SLC4A4: variants seen among roughly 807,000 people sequenced by gnomAD.
The protein encoded by SLC4A4 is electrogenic sodium bicarbonate cotransporter 1.
In SLC4A4, 27 loss-of-function variants were observed where a neutral mutation model predicts 111.5. The ratio of observed to expected loss-of-function variants is 0.24; its 90% CI spans 0.18 to 0.33. The LOEUF (loss-of-function observed/expected upper bound fraction) is 0.33. Ranked by LOEUF, SLC4A4 falls within the 10% of genes least tolerant of loss-of-function variation. The probability of loss-of-function intolerance (pLI) is 1.00; values close to 1 mark genes in which losing one functional copy is unlikely to be tolerated. For missense variants in SLC4A4, 909 were observed against 1,315.5 expected, an observed-to-expected ratio of 0.69 and a Z score of 4.78; for synonymous variants, 443 against 463.4, an observed-to-expected ratio of 0.96 and a Z score of 0.57.
At chr4:71,460,365 A>G (rs2149090310) in intron 12 of SLC4A4, among the ~76,000 whole-genome samples, 1 of 152,184 alleles carries the variant, frequency 6.6e-6, no homozygotes, top group South Asian at 2.1e-4. Flanking sequence ...ATACGTATTC[A>G]CAGCTCTTCA....
At chr4:71,527,780 G>A (rs945510862) in intron 16 of SLC4A4, among the ~76,000 whole-genome samples, 1 of 151,920 alleles carries the variant, frequency 6.6e-6, no homozygotes, top group African/African-American at 2.4e-5. Context: ...AAGTGGAGGT[G>A]TCAGGTAGTT....
chr4:71,516,388 C>T (rs751636901), intron 16 of SLC4A4, among the ~76,000 whole-genome samples: 5 of 152,076 alleles, frequency 3.3e-5, no homozygotes, highest in South Asian at 2.1e-4. Context: ...TGAGCCACCG[C>T]GCCCAGCCAA....
intron 3 of SLC4A4, among the ~76,000 whole-genome samples, chr4:71,297,357 G>A (rs1201440565): frequency 2.6e-5 from 4 of 152,260 alleles, no homozygotes; most frequent in Middle Eastern, 3.4e-3. Flanking sequence ...TGCAGCTGCC[G>A]TGTAGCATCA....
intron 3 of SLC4A4, among the ~76,000 whole-genome samples, chr4:71,270,191 G>A (rs1722602477): frequency 2.0e-5 from 3 of 152,086 alleles, no homozygotes; most frequent in South Asian, 2.1e-4. Context: ...GGGTTCAAGC[G>A]ATTCTCTTGC....
intron 2 of SLC4A4, among the ~76,000 whole-genome samples, chr4:71,178,916 G>A (rs1217209424): frequency 6.6e-6 from 1 of 152,124 alleles, no homozygotes; most frequent in East Asian, 1.9e-4. Flanking sequence ...GAGAATTTTA[G>A]ACCAATATCC....
chr4:71,155,744 A>G (rs1177785993), intron 2 of SLC4A4, among the ~76,000 whole-genome samples: 1 of 152,186 alleles, frequency 6.6e-6, no homozygotes, highest in African/African-American at 2.4e-5. Context: ...GATTACAAGC[A>G]TGAGCCACTG....
intron 6 of SLC4A4, among the ~76,000 whole-genome samples, chr4:71,373,243 A>G (rs1373523577): frequency 6.6e-6 from 1 of 152,232 alleles, no homozygotes; most frequent in Non-Finnish European, 1.5e-5. Flanking sequence ...ATCATTTGAG[A>G]GAAGCTATGG....
intron 1 of SLC4A4, among the ~76,000 whole-genome samples, chr4:71,084,786 T>G (rs1359118509): frequency 6.6e-6 from 1 of 152,108 alleles, no homozygotes; most frequent in Non-Finnish European, 1.5e-5. Context: ...TGCCACATTT[T>G]CTTAATCCAG....
At chr4:71,485,343 G>A (rs1055828657) in intron 14 of SLC4A4, among the ~76,000 whole-genome samples, 2 of 151,552 alleles carry the variant, frequency 1.3e-5, no homozygotes. Flanking sequence ...TTTTTAACAT[G>A]AATGGATGTT....
intron 16 of SLC4A4, among the ~76,000 whole-genome samples, chr4:71,511,560 T>G (rs1286860626): frequency 6.6e-6 from 1 of 152,124 alleles, no homozygotes; most frequent in Non-Finnish European, 1.5e-5. Flanking sequence ...TTGGTCTATT[T>G]TATTTTATTT....
chr4:71,315,150 C>T (rs1331484973), intron 3 of SLC4A4, among the ~76,000 whole-genome samples: 1 of 152,080 alleles, frequency 6.6e-6, no homozygotes, highest in Non-Finnish European at 1.5e-5. Context: ...ATTTGGCTGA[C>T]TTCTTTTAGG....
chr4:71,369,125 C>T (rs1016798401), intron 6 of SLC4A4, among the ~76,000 whole-genome samples: 3 of 151,762 alleles, frequency 2.0e-5, no homozygotes, highest in Non-Finnish European at 4.4e-5. Context: ...GCACTCCCAG[C>T]GTGGGATGGC....
At chr4:71,075,494 C>T (rs2148932000) in intron 1 of SLC4A4, among the ~76,000 whole-genome samples, 1 of 152,310 alleles carries the variant, frequency 6.6e-6, no homozygotes, top group East Asian at 1.9e-4. Context: ...CCTTCTTGCT[C>T]ACTTCACATC....
chr4:71,418,329 T>G (rs1434330461), intron 7 of SLC4A4, among the ~76,000 whole-genome samples: 1 of 152,246 alleles, frequency 6.6e-6, no homozygotes, highest in Non-Finnish European at 1.5e-5. Flanking sequence ...TTTGAAGTAG[T>G]GTTTTTTGGA....
At chr4:71,225,549 G>A (rs936346059) in intron 1 of SLC4A4, among the ~76,000 whole-genome samples, 2 of 152,160 alleles carry the variant, frequency 1.3e-5, no homozygotes, top group Non-Finnish European at 2.9e-5. Context: ...AAAATTTCAG[G>A]AGCCTCATCC....
chr4:71,472,888 T>C lies in SLC4A4; in HGVS notation c.1821T>C (p.Leu607=). 6.2e-7 allele frequency: 1 copy of C among 1,612,952 alleles called. No homozygotes were observed. The highest frequency in any genetic ancestry group is 8.5e-7 in the Non-Finnish European group (1 of 1,179,344). ...IYDAFKKMIK[L]ADYYPINSNF... The stretch of plus-strand genomic sequence containing the variant: ...ATGCTTTCAAGAAGATGATCAAGCT[T>C]GCAGATTACTACCCCATCAACTCCA... The change falls in exon 14 of 26, where the codon CTT becomes CTC. Residue 607 remains leucine, a synonymous_variant. Transcript: ENST00000264485.
At position 71,357,135 on chromosome 4, in the gene SLC4A4, C is replaced by T. The variant is rs146394238; in HGVS notation, c.678C>T (p.Asp226=). ...TKKSNLRSLA[D]IGKTVSSASR... ...AATCCAACCTTCGGTCCCTGGCTGA[C>T]ATTGGGAAGACAGTCTCCAGTGCAA... The change falls in exon 6 of 26, where the codon GAC becomes GAT. Residue 226 remains aspartate (D), a synonymous_variant. Coordinates refer to ENST00000264485, the MANE Select transcript of SLC4A4 (RefSeq NM_001098484.3). 1.8e-4 allele frequency: 293 copies of T among 1,614,160 alleles called. 1 individual carries two copies. The African/African-American group carries it at 3.7e-3, about 20-fold the overall frequency.
At chr4:71,222,022 TA>T (rs1296710120) in intron 1 of SLC4A4, among the ~76,000 whole-genome samples, 1 of 152,220 alleles carries the variant, frequency 6.6e-6, no homozygotes, top group Non-Finnish European at 1.5e-5. Flanking sequence ...GAAATGTTTA[TA>T]TAATGACAGA....
chr4:71,270,887 A>G lies in SLC4A4; in HGVS notation c.253+15488A>G, dbSNP rs146626807. Among the ~76,000 whole-genome samples the G allele has an allele frequency of 3.0e-3, 454 of 152,362 alleles. 4 individuals are homozygous for G. Among genetic ancestry groups the G allele is most frequent in the African/African-American group, 0.01 (434 of 41,588 alleles). Reference sequence around the variant, plus strand: ...GCACTGTCTTCTAAGCAAATCAGTTAGATTAAAAGCAAAAGAACAAATTAG... The same window carrying G: ...GCACTGTCTTCTAAGCAAATCAGTTGGATTAAAAGCAAAAGAACAAATTAG... On this transcript the variant is annotated intron_variant, in intron 3 of 25. Coordinates refer to ENST00000264485, the MANE Select transcript of SLC4A4 (RefSeq NM_001098484.3).
Sources: gnomAD v4.1 joint callset for allele counts (sites outside exome capture counted in the v4.1 genomes callset) on GRCh38, gnomAD v4.1.1 for gene constraint, MANE v1.5 for transcripts, NCBI Gene and HGNC (gene_info 2026-07-23, HGNC 2026-07-21) for gene names.